The following CALCR variants were observed in gnomAD, a reference collection of about 807,000 sequenced individuals.
The protein encoded by CALCR is calcitonin receptor.
Under a neutral mutation model 59.5 loss-of-function variants are expected in CALCR, and 47 were observed. That is an observed-to-expected ratio of 0.79 (90% CI 0.63 to 1.01). The LOEUF (loss-of-function observed/expected upper bound fraction) is 1.01. CALCR is among the 50% of genes least tolerant of loss of function. The pLI is 0.00. For missense variants in CALCR, 566 were observed against 597.1 expected (o/e 0.95, Z 0.54); for synonymous variants, 213 against 211.3 (o/e 1.01, Z -0.07).
intron 3 of CALCR, among the ~76,000 whole-genome samples, chr7:93,480,786 C>T (rs568692098): frequency 2.0e-5 from 3 of 151,754 alleles, no homozygotes; most frequent in Non-Finnish European, 2.9e-5. Flanking sequence ...TGAATTGTAT[C>T]TTGAGTGTGG....
intron 2 of CALCR, among the ~76,000 whole-genome samples, chr7:93,543,644 C>T (rs1175057230): frequency 1.4e-5 from 2 of 141,670 alleles, no homozygotes; most frequent in East Asian, 2.1e-4. Flanking sequence ...CATTGTATGG[C>T]CCATGATTAT....
chr7:93,476,909 A>G (rs1800678050), intron 5 of CALCR, among the ~76,000 whole-genome samples: 1 of 151,926 alleles, frequency 6.6e-6, no homozygotes, highest in Non-Finnish European at 1.5e-5. Flanking sequence ...GAATTCCCAG[A>G]AGTGGCTGGC....
At chr7:93,573,274 C>T (rs1383280885) in intron 2 of CALCR, among the ~76,000 whole-genome samples, 1 of 152,136 alleles carries the variant, frequency 6.6e-6, no homozygotes, top group Admixed American at 6.5e-5. Context: ...AAAATATTTG[C>T]TTTCTATGAT....
At chr7:93,499,408 C>A (rs1801275931) in intron 2 of CALCR, among the ~76,000 whole-genome samples, 3 of 151,674 alleles carry the variant, frequency 2.0e-5, no homozygotes, top group Admixed American at 6.6e-5. Context: ...AACCATGGAT[C>A]CTCTAAATAA....
chr7:93,505,435 T>C (rs756913527), intron 2 of CALCR, among the ~76,000 whole-genome samples: 24 of 152,190 alleles, frequency 1.6e-4, no homozygotes, highest in Non-Finnish European at 4.4e-5. Flanking sequence ...GATTATCTAA[T>C]ATGAAACCCT....
chr7:93,565,280 A>G (rs1280017314), intron 2 of CALCR, among the ~76,000 whole-genome samples: 2 of 152,190 alleles, frequency 1.3e-5, no homozygotes, highest in Non-Finnish European at 2.9e-5. Flanking sequence ...GAATAATACT[A>G]AGGGTAAAAT....
At chr7:93,467,241 T>A (rs1182272511) in intron 7 of CALCR, among the ~76,000 whole-genome samples, 1 of 151,842 alleles carries the variant, frequency 6.6e-6, no homozygotes, top group African/African-American at 2.4e-5. Context: ...TACTCTTCTA[T>A]TCTAATTTGA....
At chr7:93,472,519 A>C in intron 5 of CALCR, 32 bp from the exon 6 acceptor site, 2 of 1,182,580 alleles carry the variant, frequency 1.7e-6, no homozygotes. Context: ...TATTGCATTA[A>C]TATCTCAAAA....
chr7:93,460,569 AAAAATAT>A (rs1034815848), intron 8 of CALCR, among the ~76,000 whole-genome samples: 2 of 86,704 alleles, frequency 2.3e-5, no homozygotes, highest in African/African-American at 5.6e-5. Flanking sequence ...AAAAAAAAAA[AAAAATAT>A]ATATATATAT....
At chr7:93,489,831 C>T (rs1801034141) in intron 2 of CALCR, among the ~76,000 whole-genome samples, 1 of 151,904 alleles carries the variant, frequency 6.6e-6, no homozygotes, top group African/African-American at 2.4e-5. Flanking sequence ...ACCAGAGTTA[C>T]AAAGAGGAGC....
intron 2 of CALCR, among the ~76,000 whole-genome samples, chr7:93,510,714 G>GT (rs1584596013): frequency 6.6e-6 from 1 of 151,884 alleles, no homozygotes; most frequent in East Asian, 1.9e-4. Flanking sequence ...CAAAATAAAA[G>GT]TTTTTTAAAA....
At chr7:93,541,022 G>A (rs1435608696) in intron 2 of CALCR, among the ~76,000 whole-genome samples, 1 of 151,894 alleles carries the variant, frequency 6.6e-6, no homozygotes, top group African/African-American at 2.4e-5. Context: ...GCCTTACAAA[G>A]ACTGAAAAAA....
At chr7:93,559,774 C>T (rs955103505) in intron 2 of CALCR, 8 of 152,118 alleles carry the variant, frequency 5.3e-5, no homozygotes, top group African/African-American at 1.4e-4. Flanking sequence ...CACCCACTCT[C>T]TCATACTTCT....
intron 9 of CALCR, among the ~76,000 whole-genome samples, chr7:93,439,502 T>C (rs1230574931): frequency 2.0e-5 from 3 of 152,196 alleles, no homozygotes; most frequent in Admixed American, 6.6e-5. Context: ...TGCTTTCTAC[T>C]TCATCTGGAG....
At position 93,549,475 on chromosome 7, in the gene CALCR, C is replaced by A. The variant is rs1789391144; in HGVS notation, c.-27+24814G>T. On this transcript the variant is annotated intron_variant, in intron 2 of 13. Transcript: ENST00000426151. ...GAATTTGTAAACCATTTAAAATACT[C>A]AGCTTAGGAAGTTGCTGTTAAATAA... Among the ~76,000 whole-genome samples, 3 of 152,234 alleles carry A rather than the reference C, an allele frequency of 2.0e-5. No individual in the cohort carries two copies. The South Asian group carries it at 6.2e-4, about 32-fold the overall frequency.
intron 3 of CALCR, among the ~76,000 whole-genome samples, chr7:93,480,378 A>AT (rs891376429): frequency 3.0e-4 from 45 of 151,268 alleles, no homozygotes; most frequent in African/African-American, 7.7e-4. Context: ...CTGCATAGAG[A>AT]TTTTTTTTTC....
chr7:93,428,357 T>C (rs1799575634), intron 13 of CALCR, among the ~76,000 whole-genome samples: 1 of 152,244 alleles, frequency 6.6e-6, no homozygotes, highest in South Asian at 2.1e-4. Context: ...AAAGCCACAG[T>C]ACCAAGCAGA....
At chr7:93,451,161 T>C (rs1305951656) in intron 8 of CALCR, among the ~76,000 whole-genome samples, 3 of 152,058 alleles carry the variant, frequency 2.0e-5, no homozygotes, top group Non-Finnish European at 4.4e-5. Context: ...ATTTTGATAG[T>C]ATACTTGCTT....
chr7:93,547,554 T>G lies in CALCR; in HGVS notation c.-27+26735A>C, dbSNP rs145956087. 1.9e-4 allele frequency among the ~76,000 whole-genome samples: 29 copies of G among 152,312 alleles called. No homozygotes were observed. The East Asian group carries it at 5.6e-3, about 29-fold the overall frequency. The stretch of plus-strand genomic sequence containing the variant: ...ACAGAGAATTTGAAGCAGGCCATAC[T>G]TAATTTGCTCCTCTGTTTTATGGAC... On this transcript the variant is annotated intron_variant, in intron 2 of 13. Transcript: ENST00000426151.
Sources: allele counts gnomAD v4.1 joint callset (sites outside exome capture counted in the v4.1 genomes callset), GRCh38; gene constraint gnomAD v4.1.1; transcripts MANE v1.5; gene names NCBI Gene and HGNC (gene_info 2026-07-23, HGNC 2026-07-21).